SMC2: variants seen among roughly 807,000 people sequenced by gnomAD.
SMC2 encodes structural maintenance of chromosomes protein 2.
Under a neutral mutation model 142.6 loss-of-function variants are expected in SMC2, and 41 were observed. The observed-to-expected ratio is 0.29, with a 90% confidence interval of 0.22 to 0.37. The LOEUF is 0.37. Ranked by LOEUF, SMC2 falls within the 10% of genes least tolerant of loss-of-function variation. The probability of loss-of-function intolerance (pLI) is 1.00; values close to 1 mark genes in which losing one functional copy is unlikely to be tolerated. For missense variants in SMC2, 1,265 were observed against 1,373.7 expected, an observed-to-expected ratio of 0.92 and a Z score of 1.25; for synonymous variants, 463 against 457.5, an observed-to-expected ratio of 1.01 and a Z score of -0.15.
chr9:104,130,758 T>C (rs12347327), intron 21 of SMC2, among the ~76,000 whole-genome samples: 1,921 of 152,298 alleles, frequency 0.013, 59 homozygotes, highest in African/African-American at 0.044. Flanking sequence ...AGGAAAACTT[T>C]GGTCTGAATT....
intron 19 of SMC2, 143 bp from the exon 20 acceptor site, chr9:104,127,142 TA>T: frequency 1.6e-6 from 1 of 621,292 alleles, no homozygotes; most frequent in Non-Finnish European, 2.7e-6. Flanking sequence ...AATGGTGATA[TA>T]AAATATAGAG....
chr9:104,127,006 A>T (rs1227724192), intron 19 of SMC2, among the ~76,000 whole-genome samples: 1 of 151,036 alleles, frequency 6.6e-6, no homozygotes, highest in African/African-American at 2.5e-5. Flanking sequence ...GATTCCATCT[A>T]CATTACATCT....
In SMC2 at chr9:104,127,404, ATTCTCAGCTTAAAAT is replaced by A; in HGVS notation, c.2716_2730del (p.Ser906_Ile910del). On this transcript the variant is annotated inframe_deletion, in exon 20 of 25. Coordinates refer to ENST00000374793, the MANE Select transcript of SMC2 (RefSeq NM_006444.3). Reference sequence around the variant, plus strand: ...GCAAAACACAAGGAGCAAAACAATGATTCTCAGCTTAAAATTAAGGAATTAGACCACAACATCAGC... The same window carrying A: ...GCAAAACACAAGGAGCAAAACAATGATAAGGAATTAGACCACAACATCAGC... The A allele has an allele frequency of 6.2e-7, 1 of 1,613,788 alleles. No homozygotes were observed. Among genetic ancestry groups the A allele is most frequent in the African/African-American group, 1.3e-5 (1 of 75,042 alleles).
chr9:104,123,245 C>T lies in SMC2; in HGVS notation c.2257+13C>T. ...AAAAAAACCATTGGTAAGATGAAAA[C>T]AGTCCATGCTTAATCTCTGGTTTTA... On this transcript the variant is annotated intron_variant, in intron 17 of 24. Coordinates refer to ENST00000374793, the MANE Select transcript of SMC2 (RefSeq NM_006444.3). The T allele has an allele frequency of 1.2e-6, 2 of 1,610,342 alleles. No homozygotes were observed. The highest frequency in any genetic ancestry group is 1.7e-6 in the Non-Finnish European group (2 of 1,178,042).
intron 20 of SMC2, among the ~76,000 whole-genome samples, chr9:104,128,689 T>C (rs1047829705): frequency 1.3e-5 from 2 of 152,254 alleles, no homozygotes; most frequent in Non-Finnish European, 2.9e-5. Flanking sequence ...GATTGGATTC[T>C]GCCAGTGAGA....
chr9:104,119,981 T>C lies in SMC2; in HGVS notation c.1997-46T>C, dbSNP rs1470915299. ...AGAAGACTTTTTATTGTGTAGTACA[T>C]ACCTGGTAACAATGTGGAAGACCTG... On this transcript the variant is annotated intron_variant, in intron 15 of 24. Coordinates refer to ENST00000374793, the MANE Select transcript of SMC2 (RefSeq NM_006444.3). 3 of 1,597,900 alleles carry C rather than the reference T, an allele frequency of 1.9e-6. No individual in the cohort carries two copies. In the South Asian group the frequency reaches 3.3e-5, roughly 18 times the overall value.
Position 104,141,214 on chromosome 9 carries a change from G to T in SMC2, c.*1899G>T, listed in dbSNP as rs1836019563. The T allele has an allele frequency of 1.3e-5, 2 of 152,112 alleles. No individual in the cohort carries two copies. The highest frequency in any genetic ancestry group is 2.9e-5 in the Non-Finnish European group (2 of 68,010). The allele number at this position is 152,112 out of a possible 1,614,324, so 9.4% of individuals were successfully genotyped here. ...TTAATCCTCAGAGTAACCTAGTGAG[G>T]TAAATACTGTTGTTGTCAGCATGGT... On this transcript the variant is annotated 3_prime_UTR_variant, in exon 25 of 25. Transcript: ENST00000374793.
At chr9:104,131,900 A>G in intron 21 of SMC2, 109 bp from the exon 22 acceptor site, 4 of 621,418 alleles carry the variant, frequency 6.4e-6, no homozygotes, top group Middle Eastern at 9.3e-4. Flanking sequence ...GTAAATAGCA[A>G]TGTATGTATT....
At chr9:104,108,991 A>G (rs1466837843) in intron 9 of SMC2, among the ~76,000 whole-genome samples, 2 of 152,170 alleles carry the variant, frequency 1.3e-5, no homozygotes. Flanking sequence ...GAAATAGAGT[A>G]TGGATTATTC....
chr9:104,100,207 A>C lies in SMC2; in HGVS notation c.591+4A>C. ...TAAGCTGAAAGAAATTAAGACGGTA[A>C]TTTAATTCATATAAAATATTTTCGG... On this transcript the variant is annotated splice_donor_region_variant and intron_variant, in intron 6 of 24. Coordinates refer to ENST00000374793, the MANE Select transcript of SMC2 (RefSeq NM_006444.3). 1 of 1,505,108 alleles carries C rather than the reference A, an allele frequency of 6.6e-7. No homozygotes were observed. Among genetic ancestry groups the C allele is most frequent in the South Asian group, 1.2e-5 (1 of 80,706 alleles). The allele number at this position is 1,505,108 out of a possible 1,614,324, so 93.2% of individuals were successfully genotyped here. A position where few individuals can be genotyped will look rare whatever the true frequency, so the allele number is the denominator to read the frequency against.
intron 21 of SMC2, among the ~76,000 whole-genome samples, chr9:104,130,200 A>G (rs1470687816): frequency 6.6e-6 from 1 of 152,212 alleles, no homozygotes; most frequent in Non-Finnish European, 1.5e-5. Context: ...TATATAAGTA[A>G]TGACTAAAGC....
At chr9:104,111,211 CTCT>C (rs1832407611) in intron 9 of SMC2, among the ~76,000 whole-genome samples, 1 of 152,084 alleles carries the variant, frequency 6.6e-6, no homozygotes, top group Non-Finnish European at 1.5e-5. Flanking sequence ...CATATACATG[CTCT>C]TAATTCTAAA....
At chr9:104,120,306 A>G (rs756923064) in intron 16 of SMC2, 144 bp downstream of exon 16, 1 of 731,402 alleles carries the variant, frequency 1.4e-6, no homozygotes, top group Non-Finnish European at 2.1e-6. Flanking sequence ...TTGTGAGTTG[A>G]TAACTTACCA....
intron 15 of SMC2, 76 bp downstream of exon 15, chr9:104,118,451 C>G (rs1833373628): frequency 2.6e-6 from 3 of 1,156,900 alleles, no homozygotes; most frequent in Non-Finnish European, 2.5e-6. Context: ...ACATTTTTAG[C>G]CCAACTACCC....
chr9:104,118,530 T>C (rs570949636), intron 15 of SMC2, among the ~76,000 whole-genome samples, 155 bp downstream of exon 15: 1 of 152,228 alleles, frequency 6.6e-6, no homozygotes, highest in East Asian at 1.9e-4. Context: ...CTGTCAAAAG[T>C]AAAACAAAAA....
chr9:104,115,717 A>G (rs180853236), intron 13 of SMC2, among the ~76,000 whole-genome samples: 2 of 152,280 alleles, frequency 1.3e-5, no homozygotes, highest in African/African-American at 4.8e-5. Context: ...GACAGCACCT[A>G]AAATTTACTC....
At chr9:104,112,423 C>G (rs1391917568) in intron 10 of SMC2, among the ~76,000 whole-genome samples, 1 of 152,100 alleles carries the variant, frequency 6.6e-6, no homozygotes, top group East Asian at 1.9e-4. Flanking sequence ...ATTTTGCTAG[C>G]AGAAAAAATA....
In SMC2 at chr9:104,111,804, A is replaced by C; in HGVS notation, c.1244A>C (p.Glu415Ala). The C allele has an allele frequency of 6.2e-7, 1 of 1,612,004 alleles. No homozygotes were observed. The highest frequency in any genetic ancestry group is 8.5e-7 in the Non-Finnish European group (1 of 1,178,860). Residue 415 changes from glutamate (E) to alanine (A), a missense_variant, in exon 10 of 25, where the codon GAA becomes GCA. By Grantham distance (107) the Glu-to-Ala change is moderately radical (BLOSUM62 -1). Around this residue, in one of 4 missense-constraint regions of SMC2, gnomAD observed 898 missense variants for 904.2 expected, o/e 0.99. Coordinates refer to ENST00000374793, the MANE Select transcript of SMC2 (RefSeq NM_006444.3). ...AATGATATAAGTAAAGCTCAGACAG[A>C]AGCCAAACAGGTAAATAGAGACATT... is the stretch of plus-strand genomic sequence containing the variant. Reference protein sequence around the residue: ...CKNDISKAQTEAKQAQMKLKH... With the variant: ...CKNDISKAQTAAKQAQMKLKH...
chr9:104,102,589 G>C lies in SMC2; in HGVS notation c.1020+16G>C, dbSNP rs746145829. The stretch of plus-strand genomic sequence containing the variant: ...TATGGTTGAGGTAAGTGAGCTTAAT[G>C]TGCCACTAGTGCCACTTGTAGACAA... On this transcript the variant is annotated intron_variant, in intron 9 of 24. Coordinates refer to ENST00000374793, the MANE Select transcript of SMC2 (RefSeq NM_006444.3). The C allele has an allele frequency of 6.2e-7, 1 of 1,606,994 alleles. No homozygotes were observed. The highest frequency in any genetic ancestry group is 8.5e-7 in the Non-Finnish European group (1 of 1,176,690).
Sources: gnomAD v4.1 joint callset for allele counts (sites outside exome capture counted in the v4.1 genomes callset) on GRCh38, gnomAD v4.1.1 for gene constraint, gnomAD v4.1.1 regional missense constraint, MANE v1.5 for transcripts, NCBI Gene and HGNC (gene_info 2026-07-23, HGNC 2026-07-21) for gene names.